The following ADAMTS12 variants were observed in gnomAD, a reference collection of about 807,000 sequenced individuals.
ADAMTS12 encodes A disintegrin and metalloproteinase with thrombospondin motifs 12.
A neutral mutation model predicts 167.8 loss-of-function variants in ADAMTS12; 118 were observed. The observed-to-expected ratio is 0.70, with a 90% CI of 0.61 to 0.82. ADAMTS12 has a LOEUF of 0.82. Ranked by LOEUF, ADAMTS12 falls within the 40% of genes least tolerant of loss-of-function variation. ADAMTS12 has a pLI of 0.00. For missense variants in ADAMTS12, 1,916 were observed against 1,998.8 expected (o/e 0.96, Z 0.79); for synonymous variants, 704 against 716.9 (o/e 0.98, Z 0.29).
At chr5:33,806,985 G>A (rs1008100417) in intron 2 of ADAMTS12, among the ~76,000 whole-genome samples, 5 of 152,090 alleles carry the variant, frequency 3.3e-5, no homozygotes, top group Admixed American at 1.3e-4. Context: ...AGACCTACTC[G>A]TGTCATACCC....
chr5:33,787,612 C>T (rs1008275820), intron 2 of ADAMTS12, among the ~76,000 whole-genome samples: 1 of 152,174 alleles, frequency 6.6e-6, no homozygotes, highest in African/African-American at 2.4e-5. Context: ...CATGCTGGCA[C>T]AGAGGCTGCA....
At chr5:33,732,677 T>C (rs1034927448) in intron 3 of ADAMTS12, among the ~76,000 whole-genome samples, 2 of 152,216 alleles carry the variant, frequency 1.3e-5, no homozygotes, top group African/African-American at 4.8e-5. Context: ...ATACTTTTTA[T>C]ATGTTGCTTT....
In ADAMTS12 at chr5:33,595,862, G is replaced by A. The variant is rs1378519205; in HGVS notation, c.2654+72C>T. 1.4e-5 allele frequency: 22 copies of A among 1,576,848 alleles called. No homozygotes were observed. The Admixed American group carries it at 3.1e-4, about 22-fold the overall frequency. On this transcript the variant is annotated intron_variant, in intron 17 of 23. Transcript: ENST00000504830. Reference sequence around the variant, plus strand: ...CCACACAATATTTCTTTATCAGCAAGCACTAGGTCACTCTTGAGTCAGACA... The same window carrying A: ...CCACACAATATTTCTTTATCAGCAAACACTAGGTCACTCTTGAGTCAGACA...
At chr5:33,716,535 T>C (rs1323760245) in intron 3 of ADAMTS12, among the ~76,000 whole-genome samples, 4 of 152,162 alleles carry the variant, frequency 2.6e-5, no homozygotes, top group Non-Finnish European at 4.4e-5. Flanking sequence ...GCTTATTATA[T>C]ACACATTAGT....
At chr5:33,568,102 T>C (rs1310882888) in intron 19 of ADAMTS12, among the ~76,000 whole-genome samples, 2 of 152,234 alleles carry the variant, frequency 1.3e-5, no homozygotes, top group Non-Finnish European at 2.9e-5. Context: ...TAAAGCCTGA[T>C]GCATGCTTAG....
At chr5:33,791,736 A>G (rs957246713) in intron 2 of ADAMTS12, among the ~76,000 whole-genome samples, 3 of 146,876 alleles carry the variant, frequency 2.0e-5, no homozygotes, top group South Asian at 2.2e-4. Context: ...CTTCCAAACC[A>G]CCCAATCAAT....
Position 33,549,231 on chromosome 5 carries a change from C to T in ADAMTS12, c.4278G>A (p.Ala1426=), listed in dbSNP as rs149971505. 48 of 1,613,828 alleles carry T rather than the reference C, an allele frequency of 3.0e-5. No homozygotes were observed. The highest frequency in any genetic ancestry group is 6.7e-5 in the East Asian group (3 of 44,864). The part of the protein sequence containing the change: ...SMSCNPEPCE[A]WQVEPWSQCS... ...CCTGGCTCCAAGGCTCCACCTGCCA[C>T]GCCTCACAGGGCTCCGGGTTACAGC... The change falls in exon 21 of 24, where the codon GCG becomes GCA. Residue 1426 remains alanine, a synonymous_variant. Transcript: ENST00000504830.
At chr5:33,826,547 A>C (rs563112871) in intron 2 of ADAMTS12, among the ~76,000 whole-genome samples, 1 of 149,042 alleles carries the variant, frequency 6.7e-6, no homozygotes, top group South Asian at 2.2e-4. Context: ...TCTGTTTGAA[A>C]ACAGAAATAT....
At chr5:33,774,782 T>G (rs1368340385) in intron 2 of ADAMTS12, among the ~76,000 whole-genome samples, 2 of 152,240 alleles carry the variant, frequency 1.3e-5, no homozygotes, top group African/African-American at 4.8e-5. Flanking sequence ...TTTCATTAAC[T>G]GTTACTCATG....
intron 3 of ADAMTS12, among the ~76,000 whole-genome samples, chr5:33,734,677 AG>A (rs1253849178): frequency 6.6e-6 from 1 of 152,210 alleles, no homozygotes; most frequent in East Asian, 1.9e-4. Context: ...CAGGTTAGCA[AG>A]GAAGTGAGAA....
chr5:33,608,595 C>T (rs1319840671), intron 16 of ADAMTS12, among the ~76,000 whole-genome samples: 1 of 152,126 alleles, frequency 6.6e-6, no homozygotes, highest in East Asian at 1.9e-4. Context: ...CCCAGAGAAG[C>T]CACAATGAAC....
At chr5:33,664,563 C>T (rs959575486) in intron 5 of ADAMTS12, among the ~76,000 whole-genome samples, 2 of 152,166 alleles carry the variant, frequency 1.3e-5, no homozygotes, top group African/African-American at 4.8e-5. Flanking sequence ...TTCAACATCA[C>T]TTATCATCAA....
chr5:33,769,326 A>G (rs1456722337), intron 2 of ADAMTS12, among the ~76,000 whole-genome samples: 1 of 152,160 alleles, frequency 6.6e-6, no homozygotes, highest in East Asian at 1.9e-4. Context: ...CCACAGCTAA[A>G]GCAGCATGGT....
intron 3 of ADAMTS12, among the ~76,000 whole-genome samples, chr5:33,696,319 G>C (rs1400707934): frequency 2.0e-5 from 3 of 151,422 alleles, no homozygotes; most frequent in African/African-American, 7.3e-5. Context: ...TACTCGGGAG[G>C]CTGAGGCAGG....
At chr5:33,860,590 T>G (rs1749572867) in intron 2 of ADAMTS12, among the ~76,000 whole-genome samples, 1 of 152,130 alleles carries the variant, frequency 6.6e-6, no homozygotes, top group African/African-American at 2.4e-5. Context: ...AAAACACACT[T>G]CAGGATACTA....
chr5:33,568,907 C>T (rs780412117), intron 19 of ADAMTS12, among the ~76,000 whole-genome samples: 10 of 152,250 alleles, frequency 6.6e-5, no homozygotes, highest in South Asian at 2.1e-4. Context: ...TGCGCTTTTC[C>T]GACGGGCTTA....
chr5:33,549,387 T>C lies in ADAMTS12; in HGVS notation c.4126-4A>G. 6.2e-7 allele frequency: 1 copy of C among 1,604,386 alleles called. No homozygotes were observed. On this transcript the variant is annotated splice_region_variant and splice_polypyrimidine_tract_variant and intron_variant, in intron 20 of 23. Transcript: ENST00000504830. The stretch of plus-strand genomic sequence containing the variant: ...CCCCACTGCAGTTTCTGGAGCACTG[T>C]ATGGAGAGAAAAATCAAAGGCGATC...
chr5:33,591,449 T>C (rs1373591343), intron 17 of ADAMTS12, among the ~76,000 whole-genome samples: 5 of 152,216 alleles, frequency 3.3e-5, no homozygotes, highest in Admixed American at 2.0e-4. Flanking sequence ...TTTATAATTA[T>C]CATCTTTCTT....
chr5:33,591,945 GCGCGGTAGCTCA>G (rs1001588476), intron 17 of ADAMTS12, among the ~76,000 whole-genome samples: 9 of 151,926 alleles, frequency 5.9e-5, no homozygotes, highest in African/African-American at 2.2e-4. Context: ...AGTAAGCCAG[GCGCGGTAGCTCA>G]CGCCTGTAAT....
Sources: gnomAD v4.1 joint callset for allele counts (sites outside exome capture counted in the v4.1 genomes callset) on GRCh38, gnomAD v4.1.1 for gene constraint, MANE v1.5 for transcripts, NCBI Gene and HGNC (gene_info 2026-07-23, HGNC 2026-07-21) for gene names.